PAPPA: variants seen among roughly 807,000 people sequenced by gnomAD.
PAPPA encodes pappalysin-1.
In PAPPA, 60 loss-of-function variants were observed where a neutral mutation model predicts 164.0. The observed-to-expected ratio is 0.37, with a 90% CI of 0.30 to 0.45. The LOEUF (loss-of-function observed/expected upper bound fraction) is 0.45, where lower values mean the gene tolerates loss of function less well. Ranked by LOEUF, PAPPA falls within the 20% of genes least tolerant of loss-of-function variation. The pLI is 1.00. For missense variants in PAPPA, 1,782 were observed against 2,087.3 expected (o/e 0.85, Z 2.85); for synonymous variants, 875 against 814.1 (o/e 1.07, Z -1.27).
intron 4 of PAPPA, among the ~76,000 whole-genome samples, chr9:116,212,804 G>T (rs1031801647): frequency 3.3e-5 from 5 of 152,074 alleles, no homozygotes; most frequent in African/African-American, 1.2e-4. Flanking sequence ...CTTATAACAG[G>T]TATATAAAAT....
intron 4 of PAPPA, among the ~76,000 whole-genome samples, chr9:116,213,340 G>A (rs768832252): frequency 6.6e-6 from 1 of 152,108 alleles, no homozygotes; most frequent in Non-Finnish European, 1.5e-5. Flanking sequence ...CCAGTATAAG[G>A]TTCCTGCAGT....
intron 21 of PAPPA, among the ~76,000 whole-genome samples, chr9:116,394,472 A>G (rs1421421618): frequency 2.0e-5 from 3 of 152,250 alleles, no homozygotes; most frequent in Non-Finnish European, 4.4e-5. Context: ...CCCAACCCAA[A>G]CCTTTTGGCT....
intron 10 of PAPPA, among the ~76,000 whole-genome samples, chr9:116,310,972 C>A (rs750849211): frequency 6.6e-6 from 1 of 151,570 alleles, no homozygotes; most frequent in Non-Finnish European, 1.5e-5. Flanking sequence ...TGGTAGCAAC[C>A]GACAAAGTTT....
At chr9:116,331,139 G>T in intron 10 of PAPPA, 105 bp from the exon 11 acceptor site, 2 of 686,092 alleles carry the variant, frequency 2.9e-6, no homozygotes, top group African/African-American at 1.8e-5. Context: ...TTTTCCTGTG[G>T]TGCCAAGAGC....
chr9:116,349,656 T>C (rs1445701487), intron 15 of PAPPA, among the ~76,000 whole-genome samples: 2 of 152,218 alleles, frequency 1.3e-5, no homozygotes, highest in Admixed American at 1.3e-4. Flanking sequence ...AAGTTGACAA[T>C]TGTTTTAATG....
chr9:116,298,158 T>C (rs1156443222), intron 9 of PAPPA, among the ~76,000 whole-genome samples: 1 of 152,214 alleles, frequency 6.6e-6, no homozygotes, highest in Admixed American at 6.5e-5. Flanking sequence ...CTGTGCATCT[T>C]AAGTAGTGTC....
At chr9:116,310,303 T>C (rs1845700508) in intron 10 of PAPPA, among the ~76,000 whole-genome samples, 1 of 152,182 alleles carries the variant, frequency 6.6e-6, no homozygotes, top group Non-Finnish European at 1.5e-5. Context: ...GAAGGGAACA[T>C]GCTGAAATTT....
At chr9:116,321,249 G>A (rs1453410026) in intron 10 of PAPPA, among the ~76,000 whole-genome samples, 1 of 151,766 alleles carries the variant, frequency 6.6e-6, no homozygotes, top group Non-Finnish European at 1.5e-5. Flanking sequence ...AGATGGTCTC[G>A]ATCTCCTGAC....
chr9:116,324,024 G>A (rs1017211171), intron 10 of PAPPA, among the ~76,000 whole-genome samples: 6 of 152,162 alleles, frequency 3.9e-5, no homozygotes, highest in Non-Finnish European at 8.8e-5. Context: ...GTCTGTTGAA[G>A]CAGCTTCTAT....
At chr9:116,383,858 TA>T (rs1250864118) in intron 21 of PAPPA, among the ~76,000 whole-genome samples, 1 of 152,166 alleles carries the variant, frequency 6.6e-6, no homozygotes, top group African/African-American at 2.4e-5. Context: ...TAGAGAAAAA[TA>T]AAATTCATTT....
chr9:116,325,367 TGG>T (rs1326997924), intron 10 of PAPPA, among the ~76,000 whole-genome samples: 1 of 152,116 alleles, frequency 6.6e-6, no homozygotes, highest in Non-Finnish European at 1.5e-5. Context: ...CTTAAGCTCC[TGG>T]GGCCCTTAAA....
Position 116,352,904 on chromosome 9 carries a change from G to A in PAPPA, c.4163G>A (p.Arg1388Gln), listed in dbSNP as rs764379532. ...GGATACCATGTGCCTGGATCCTCTC[G>A]GAAGTCAAAGAAGTAAGTGGGGTTG... ...KPGYHVPGSS[R>Q]KSKKRAFKTQ... The change falls in exon 16 of 22, where the codon CGG becomes CAG. Residue 1388 changes from arginine to glutamine, a missense_variant. Arg to Gln is a conservative substitution (Grantham distance 43). Transcript: ENST00000328252. 37 of 1,613,652 alleles carry A rather than the reference G, an allele frequency of 2.3e-5. No homozygotes were observed. Among genetic ancestry groups the A allele is most frequent in the Admixed American group, 5.0e-5 (3 of 59,982 alleles).
chr9:116,234,599 A>G lies in PAPPA; in HGVS notation c.2234-540A>G, dbSNP rs575794960. Among the ~76,000 whole-genome samples, 13 of 152,282 alleles carry G rather than the reference A, an allele frequency of 8.5e-5. No homozygotes were observed. In the South Asian group the frequency reaches 2.7e-3, roughly 32 times the overall value. On this transcript the variant is annotated intron_variant, in intron 6 of 21. Coordinates refer to ENST00000328252, the MANE Select transcript of PAPPA (RefSeq NM_002581.5). ...TGGCAGTAATACCACAAGGATTCTAATTTATTCTACTGTCCCCTGCATCCA... is the reference window on the plus strand; with the variant it reads ...TGGCAGTAATACCACAAGGATTCTAGTTTATTCTACTGTCCCCTGCATCCA...
intron 14 of PAPPA, among the ~76,000 whole-genome samples, chr9:116,345,079 T>C (rs1232763707): frequency 6.6e-6 from 1 of 152,226 alleles, no homozygotes; most frequent in Non-Finnish European, 1.5e-5. Context: ...AATGAGATGC[T>C]CATTCATTCA....
chr9:116,362,732 T>C lies in PAPPA; in HGVS notation c.4488T>C (p.Tyr1496=), dbSNP rs759878668. The stretch of plus-strand genomic sequence containing the variant: ...TCAAACTGCAGTGCCCTGATGGCTA[T>C]GCCATAGGTATGATGGGCCCGAGAG... ...SNLKLQCPDG[Y]AIGSECATSC... Residue 1496 remains tyrosine (Y), a synonymous_variant, in exon 18 of 22, where the codon TAT becomes TAC. Coordinates refer to ENST00000328252, the MANE Select transcript of PAPPA (RefSeq NM_002581.5). The C allele has an allele frequency of 2.5e-6, 4 of 1,613,594 alleles. No individual in the cohort carries two copies. The South Asian group carries it at 4.4e-5, about 18-fold the overall frequency.
At chr9:116,317,205 T>TCCTCTGA (rs1845798112) in intron 10 of PAPPA, among the ~76,000 whole-genome samples, 1 of 152,214 alleles carries the variant, frequency 6.6e-6, no homozygotes, top group African/African-American at 2.4e-5. Context: ...AAAAAATCAT[T>TCCTCTGA]CCTCTGACCT....
At chr9:116,245,567 C>G (rs1243118320) in intron 7 of PAPPA, among the ~76,000 whole-genome samples, 1 of 152,096 alleles carries the variant, frequency 6.6e-6, no homozygotes, top group African/African-American at 2.4e-5. Context: ...ACCAACAGGA[C>G]TTGGTGATAG....
At chr9:116,330,561 C>G (rs1173108859) in intron 10 of PAPPA, among the ~76,000 whole-genome samples, 3 of 151,732 alleles carry the variant, frequency 2.0e-5, no homozygotes, top group Non-Finnish European at 2.9e-5. Context: ...TCTTTTAATA[C>G]TGTTTGGTAT....
At chr9:116,339,751 G>A (rs1425949979) in intron 13 of PAPPA, among the ~76,000 whole-genome samples, 3 of 152,148 alleles carry the variant, frequency 2.0e-5, no homozygotes, top group Non-Finnish European at 4.4e-5. Flanking sequence ...TACACCGTGA[G>A]TCAAGGAACA....
Sources: gnomAD v4.1 joint callset for allele counts (sites outside exome capture counted in the v4.1 genomes callset) on GRCh38, gnomAD v4.1.1 for gene constraint, MANE v1.5 for transcripts, NCBI Gene and HGNC (gene_info 2026-07-23, HGNC 2026-07-21) for gene names.